The following AGPAT3 variants were observed in gnomAD, a reference collection of about 807,000 sequenced individuals.
The protein encoded by AGPAT3 is 1-acylglycerol-3-phosphate O-acyltransferase 3.
AGPAT3 carries 5 observed loss-of-function variants against 47.3 expected under a neutral mutation model. The observed-to-expected ratio is 0.11, with a 90% CI of 0.06 to 0.22. AGPAT3 has a LOEUF of 0.22. Ranked by LOEUF, AGPAT3 falls within the 10% of genes least tolerant of loss-of-function variation. The probability of loss-of-function intolerance (pLI) is 1.00; values close to 1 mark genes in which losing one functional copy is unlikely to be tolerated. For missense variants in AGPAT3, 315 were observed against 493.0 expected (o/e 0.64, Z 3.42); for synonymous variants, 212 against 208.3 (o/e 1.02, Z -0.15).
At chr21:43,876,972 C>T (rs1028363385) in intron 1 of AGPAT3, among the ~76,000 whole-genome samples, 5 of 152,088 alleles carry the variant, frequency 3.3e-5, no homozygotes, top group African/African-American at 9.7e-5. Context: ...GATTCTTGTG[C>T]CTCAGTCTCC....
intron 1 of AGPAT3, among the ~76,000 whole-genome samples, chr21:43,901,320 TA>T (rs34649071): frequency 0.021 from 2,745 of 128,922 alleles, 64 homozygotes; most frequent in African/African-American, 0.058. Flanking sequence ...GAAACTCTGT[TA>T]AAAAAAAAAA....
At chr21:43,873,783 C>T (rs1429807864) in intron 1 of AGPAT3, among the ~76,000 whole-genome samples, 1 of 152,002 alleles carries the variant, frequency 6.6e-6, no homozygotes, top group Non-Finnish European at 1.5e-5. Flanking sequence ...ATGGTTTTAC[C>T]TTTCTTTTCT....
At chr21:43,958,259 TTATG>T (rs2088587277) in intron 2 of AGPAT3, among the ~76,000 whole-genome samples, 1 of 151,858 alleles carries the variant, frequency 6.6e-6, no homozygotes, top group Non-Finnish European at 1.5e-5. Context: ...TGTGGCATGT[TTATG>T]TGTATAGTGC....
At chr21:43,969,662 T>C (rs145363986) in intron 5 of AGPAT3, among the ~76,000 whole-genome samples, 282 of 152,248 alleles carry the variant, frequency 1.9e-3, no homozygotes, top group Non-Finnish European at 3.1e-3. Flanking sequence ...ATTTCTGTTT[T>C]TTTGTTTTCT....
At chr21:43,935,791 G>A (rs988586753) in intron 2 of AGPAT3, among the ~76,000 whole-genome samples, 6 of 152,144 alleles carry the variant, frequency 3.9e-5, no homozygotes, top group Non-Finnish European at 8.8e-5. Flanking sequence ...CATCACAGGC[G>A]GCCACGGAGG....
chr21:43,957,337 G>A (rs377476204), intron 2 of AGPAT3, among the ~76,000 whole-genome samples: 2 of 152,172 alleles, frequency 1.3e-5, no homozygotes, highest in Non-Finnish European at 2.9e-5. Flanking sequence ...AACAGGGGCC[G>A]CCCTGGGAAT....
chr21:43,875,636 C>T (rs1221887798), intron 1 of AGPAT3, among the ~76,000 whole-genome samples: 5 of 152,206 alleles, frequency 3.3e-5, no homozygotes, highest in Non-Finnish European at 5.9e-5. Context: ...GAGATGGAGT[C>T]TTGCTCTGTT....
chr21:43,874,616 C>T (rs9637233), intron 1 of AGPAT3, among the ~76,000 whole-genome samples: 47,379 of 151,960 alleles, frequency 0.31, 8,092 homozygotes, highest in East Asian at 0.53. Flanking sequence ...TATAAAGTTG[C>T]GGTTAGGAAG....
At position 43,986,722 on chromosome 21, in the gene AGPAT3, G is replaced by A. The variant is rs116219941; in HGVS notation, c.*4330G>A. 2.0e-5 allele frequency among the ~76,000 whole-genome samples: 3 copies of A among 152,216 alleles called. No individual in the cohort carries two copies. Among genetic ancestry groups the A allele is most frequent in the Non-Finnish European group, 4.4e-5 (3 of 68,048 alleles). ...CCACACAAACCATTGACCTGAGTGC[G>A]CATGACAGCCACTGGCTTCTTTTTC... On this transcript the variant is annotated 3_prime_UTR_variant, in exon 10 of 10. Coordinates refer to ENST00000291572, the MANE Select transcript of AGPAT3 (RefSeq NM_020132.5).
At chr21:43,879,940 A>C (rs1601201706) in intron 1 of AGPAT3, among the ~76,000 whole-genome samples, 1 of 152,136 alleles carries the variant, frequency 6.6e-6, no homozygotes, top group African/African-American at 2.4e-5. Flanking sequence ...GCATCCTGGC[A>C]TGTGGGCCTC....
intron 1 of AGPAT3, among the ~76,000 whole-genome samples, chr21:43,877,903 C>T (rs899033904): frequency 1.3e-5 from 2 of 152,048 alleles, no homozygotes. Context: ...CCTCCATCTC[C>T]CACACCCCCT....
intron 3 of AGPAT3, chr21:43,960,679 T>G (rs890848311): frequency 1.0e-6 from 1 of 954,874 alleles, no homozygotes. Flanking sequence ...GGAGACTAAT[T>G]ATGCGGCACC....
chr21:43,961,908 C>T (rs1002543257), intron 3 of AGPAT3, among the ~76,000 whole-genome samples: 11 of 152,084 alleles, frequency 7.2e-5, no homozygotes, highest in African/African-American at 2.2e-4. Context: ...TTCATGCCTG[C>T]GACACCCCAC....
intron 2 of AGPAT3, among the ~76,000 whole-genome samples, chr21:43,957,479 C>CG (rs1280295097): frequency 2.7e-5 from 4 of 147,306 alleles, no homozygotes; most frequent in East Asian, 4.0e-4. Flanking sequence ...CCCCTCCACA[C>CG]GGGGGGTCTC....
chr21:43,903,020 A>T (rs1385457082), intron 1 of AGPAT3, among the ~76,000 whole-genome samples: 2 of 152,152 alleles, frequency 1.3e-5, no homozygotes, highest in Non-Finnish European at 2.9e-5. Flanking sequence ...ATGAATTTGT[A>T]GCTGGGGGAC....
At position 43,892,282 on chromosome 21, in the gene AGPAT3, G is replaced by A. The variant is rs377490226; in HGVS notation, c.-111-11675G>A. Among the ~76,000 whole-genome samples the A allele has an allele frequency of 5.4e-4, 81 of 151,310 alleles. No individual in the cohort carries two copies. The South Asian group carries it at 0.016, about 30-fold the overall frequency. On this transcript the variant is annotated intron_variant, in intron 1 of 9. Coordinates refer to ENST00000291572, the MANE Select transcript of AGPAT3 (RefSeq NM_020132.5). Reference sequence around the variant, plus strand: ...AGATCATGCCACTGCACTCCAGCCCGGGCAACAAGAGCAAAACTCTGTCTC... The same window carrying A: ...AGATCATGCCACTGCACTCCAGCCCAGGCAACAAGAGCAAAACTCTGTCTC...
intron 2 of AGPAT3, among the ~76,000 whole-genome samples, chr21:43,945,047 C>T (rs566458967): frequency 1.6e-4 from 25 of 152,334 alleles, no homozygotes; most frequent in Middle Eastern, 3.4e-3. Context: ...AGGGCAGAGC[C>T]GTAGCCACAG....
chr21:43,882,601 G>C (rs915188873), intron 1 of AGPAT3: 24 of 152,388 alleles, frequency 1.6e-4, no homozygotes, highest in African/African-American at 5.5e-4. Context: ...TGTGAGCCCG[G>C]AGGGCAGGTG....
chr21:43,980,993 C>A lies in AGPAT3; in HGVS notation c.848C>A (p.Ala283Glu), dbSNP rs763827550. The A allele has an allele frequency of 6.2e-7, 1 of 1,613,988 alleles. No individual in the cohort carries two copies. The change falls in exon 9 of 10, where the codon GCG becomes GAG. Residue 283 changes from alanine (A) to glutamate (E), a missense_variant. Coordinates refer to ENST00000291572, the MANE Select transcript of AGPAT3 (RefSeq NM_020132.5). ...WLHKLYQEKD[A>E]LQEIYNQKGM... is the part of the protein sequence containing the mutation. Reference sequence around the variant, plus strand: ...TTTCTCTGTTGACTCTTCTAGGACGCGCTCCAGGAGATATATAATCAGAAG... The same window carrying A: ...TTTCTCTGTTGACTCTTCTAGGACGAGCTCCAGGAGATATATAATCAGAAG...
Sources: gnomAD v4.1 joint callset for allele counts (sites outside exome capture counted in the v4.1 genomes callset) on GRCh38, gnomAD v4.1.1 for gene constraint, MANE v1.5 for transcripts, NCBI Gene and HGNC (gene_info 2026-07-23, HGNC 2026-07-21) for gene names.